CELF2: variants seen among roughly 807,000 people sequenced by gnomAD.
CELF2 encodes the protein CUGBP Elav-like family member 2, also known as CUG triplet repeat RNA-binding protein 2.
CELF2 carries 8 observed loss-of-function variants against 62.6 expected under a neutral mutation model. That is an observed-to-expected ratio of 0.13 (90% CI 0.07 to 0.23). The LOEUF is 0.23. Among genes scored for constraint, CELF2 ranks in the 10% least tolerant of loss-of-function variants. The pLI, the probability that CELF2 is intolerant of heterozygous loss-of-function variation, is 1.00. For synonymous variants in CELF2, 258 were observed against 250.0 expected (o/e 1.03, Z -0.30); for missense variants, 333 against 671.0 (o/e 0.50, Z 5.56).
intron 1 of CELF2, among the ~76,000 whole-genome samples, chr10:10,872,086 G>C (rs568157898): frequency 6.6e-6 from 1 of 152,084 alleles, no homozygotes; most frequent in East Asian, 1.9e-4. Flanking sequence ...ATTTCCTTTG[G>C]AAAGCTCCTG....
chr10:10,622,698 G>A, the CELF2 span, among the ~76,000 whole-genome samples: 10 of 151,942 alleles, frequency 6.6e-5, no homozygotes, highest in Admixed American at 3.9e-4. Context: ...GTCATCGACT[G>A]GGGAAAGAAC....
the CELF2 span, among the ~76,000 whole-genome samples, chr10:10,608,314 C>G: frequency 6.6e-6 from 1 of 152,104 alleles, no homozygotes. Flanking sequence ...TTTTTGAACA[C>G]CAGAAGTGTT....
the CELF2 span, among the ~76,000 whole-genome samples, chr10:10,659,206 A>G: frequency 6.6e-6 from 1 of 152,202 alleles, no homozygotes; most frequent in South Asian, 2.1e-4. Context: ...CCTCAATTTC[A>G]TAAAGAAACA....
In CELF2 at chr10:11,244,419, C is replaced by T. The variant is rs938570096; in HGVS notation, c.355-4734C>T. 6.6e-6 allele frequency among the ~76,000 whole-genome samples: 1 copy of T among 152,096 alleles called. No homozygotes were observed. The highest frequency in any genetic ancestry group is 1.9e-4 in the East Asian group (1 of 5,190). ...CTATAATCCCAGCACTTTGGGAGGC[C>T]GAGGTGGGTGGATCCCAAGGTCAGG... On this transcript the variant is annotated intron_variant, in intron 3 of 12. Transcript: ENST00000633077. This position sits in a 1 kb window ranked among gnomAD's most constrained non-coding sequence, Gnocchi z 4.2.
intron 1 of CELF2, among the ~76,000 whole-genome samples, chr10:11,082,904 C>A (rs1450254733): frequency 1.3e-5 from 2 of 152,090 alleles, no homozygotes; most frequent in Non-Finnish European, 2.9e-5. Context: ...TGAAACAGCC[C>A]CTTGGTGTGT....
the CELF2 span, among the ~76,000 whole-genome samples, chr10:10,478,643 G>A: frequency 6.6e-6 from 1 of 152,120 alleles, no homozygotes; most frequent in Admixed American, 6.6e-5. Flanking sequence ...ATATGAGATC[G>A]CCCTAAATAA....
chr10:10,977,076 A>G (rs912145651), intron 2 of CELF2, among the ~76,000 whole-genome samples: 2 of 151,436 alleles, frequency 1.3e-5, no homozygotes, highest in Admixed American at 1.3e-4. Context: ...GCCCTGATTT[A>G]GACCAATTCT....
At chr10:10,981,187 A>G (rs2052062791) in intron 2 of CELF2, among the ~76,000 whole-genome samples, 1 of 152,182 alleles carries the variant, frequency 6.6e-6, no homozygotes, top group South Asian at 2.1e-4. Context: ...TCGCACTTGG[A>G]TTCCACTTCG....
At chr10:10,794,722 T>G (rs1440430351), upstream of CELF2, 1 of 152,140 alleles carries the variant, frequency 6.6e-6, no homozygotes, top group Non-Finnish European at 1.5e-5. Context: ...GCCTTTCCCT[T>G]GTTTGGCTTA....
the CELF2 span, among the ~76,000 whole-genome samples, chr10:10,517,396 A>G: frequency 3.9e-5 from 6 of 152,128 alleles, no homozygotes; most frequent in South Asian, 1.2e-3. Flanking sequence ...ATTACAAGGG[A>G]GGAAAGGAAA....
the CELF2 span, among the ~76,000 whole-genome samples, chr10:10,753,000 A>T: frequency 6.6e-6 from 1 of 152,138 alleles, no homozygotes; most frequent in East Asian, 1.9e-4. Context: ...GTGTTTTCCA[A>T]CTAATGTGAG....
chr10:10,829,843 G>A (rs974528319), intron 1 of CELF2, among the ~76,000 whole-genome samples: 1 of 152,152 alleles, frequency 6.6e-6, no homozygotes, highest in South Asian at 2.1e-4. Flanking sequence ...TCTGTGTTAC[G>A]TGGTGCATAT....
chr10:10,993,408 C>T lies in CELF2; in HGVS notation c.89+73409C>T, dbSNP rs1379274099. 6.6e-6 allele frequency among the ~76,000 whole-genome samples: 1 copy of T among 151,948 alleles called. No individual in the cohort carries two copies. The highest frequency in any genetic ancestry group is 1.5e-5 in the Non-Finnish European group (1 of 67,986). On this transcript the variant is annotated intron_variant, in intron 2 of 13. Transcript: ENST00000636488. The surrounding 1 kb of genome is among the most constrained non-coding windows in gnomAD (Gnocchi z 5.3). ...AGGGCAGGTGATATTTGAACTGCAA[C>T]TGTAAGGATGAGCAGGAGTTAACTG...
the CELF2 span, among the ~76,000 whole-genome samples, chr10:10,634,902 C>T: frequency 6.6e-6 from 1 of 152,086 alleles, no homozygotes; most frequent in Admixed American, 6.5e-5. Flanking sequence ...TCTTACCAGC[C>T]AAAGTCTGCT....
chr10:10,727,440 A>G, the CELF2 span, among the ~76,000 whole-genome samples: 9 of 152,140 alleles, frequency 5.9e-5, no homozygotes, highest in South Asian at 2.1e-4. Context: ...TTTATATGTC[A>G]TCATCATCCA....
At chr10:10,884,758 G>C (rs2061648146) in intron 1 of CELF2, among the ~76,000 whole-genome samples, 1 of 152,062 alleles carries the variant, frequency 6.6e-6, no homozygotes, top group African/African-American at 2.4e-5. Flanking sequence ...GACAAACTAG[G>C]GCCCAGCTAG....
At chr10:10,623,124 T>TAAAAAAAAAAAAAA in the CELF2 span, among the ~76,000 whole-genome samples, 1 of 94,502 alleles carries the variant, frequency 1.1e-5, no homozygotes, top group African/African-American at 4.5e-5. Context: ...AAAAAAAAAT[T>TAAAAAAAAAAAAAA]GGATAAAATG....
intron 1 of CELF2, among the ~76,000 whole-genome samples, chr10:10,909,868 T>C (rs879649126): frequency 0.089 from 13,490 of 152,240 alleles, 1,280 homozygotes; most frequent in African/African-American, 0.24. Context: ...GGGGCTCATG[T>C]TTATAAAGTT....
intron 2 of CELF2, among the ~76,000 whole-genome samples, chr10:11,203,595 C>G (rs2059764960): frequency 6.6e-6 from 1 of 152,202 alleles, no homozygotes; most frequent in African/African-American, 2.4e-5. Flanking sequence ...AAGACACCCC[C>G]TCTCCATGCC....
Sources: allele counts gnomAD v4.1 joint callset (sites outside exome capture counted in the v4.1 genomes callset), GRCh38; gene constraint gnomAD v4.1.1; non-coding constraint Gnocchi (gnomAD v3.1); transcripts MANE v1.5; gene names NCBI Gene and HGNC (gene_info 2026-07-23, HGNC 2026-07-21).